Variants in RAB1B observed in about 807,000 individuals in gnomAD.
RAB1B encodes RAB1B, member RAS oncogene family.
A neutral mutation model predicts 24.8 loss-of-function variants in RAB1B; 10 were observed. The ratio of observed to expected loss-of-function variants is 0.40; its 90% CI spans 0.25 to 0.68. RAB1B has a LOEUF of 0.68. RAB1B is among the 30% of genes least tolerant of loss of function. The pLI is 0.37. For synonymous variants in RAB1B, 99 were observed against 111.7 expected (o/e 0.89, Z 0.72); for missense variants, 154 against 271.2 (o/e 0.57, Z 3.04).
At chr11:66,271,947 A>C (rs1452310269) in intron 2 of RAB1B, 78 bp downstream of exon 2, 2 of 1,207,448 alleles carry the variant, frequency 1.7e-6, no homozygotes, top group Admixed American at 3.4e-5. Flanking sequence ...CACAGAGCAC[A>C]GTAGTTGCAA....
intron 4 of RAB1B, among the ~76,000 whole-genome samples, chr11:66,275,264 G>A (rs894704618): frequency 6.6e-6 from 1 of 152,092 alleles, no homozygotes; most frequent in Non-Finnish European, 1.5e-5. Flanking sequence ...AGAGTCTGAA[G>A]CCAAGTAATG....
In RAB1B at chr11:66,272,423, C is replaced by T; in HGVS notation, c.242C>T (p.Ala81Val). The change falls in exon 4 of 6, where the codon GCT (alanine) becomes GTT (valine). Residue 81 changes from alanine to valine, a missense_variant. Coordinates refer to ENST00000311481, the MANE Select transcript of RAB1B (RefSeq NM_030981.3). ...RTITSSYYRGAHGIIVVYDVT... is the reference protein window; with the variant it reads ...RTITSSYYRGVHGIIVVYDVT... ...ATCACTTCCAGCTACTACCGGGGGG[C>T]TCATGGCATCATCGTGGTGTATGAC... 1.2e-6 allele frequency: 2 copies of T among 1,604,640 alleles called. No individual in the cohort carries two copies. The highest frequency in any genetic ancestry group is 1.7e-6 in the Non-Finnish European group (2 of 1,174,574).
rs1165832619 is a variant in RAB1B, at chr11:66,275,748, C to T, written c.280-56C>T. 3.9e-6 allele frequency: 6 copies of T among 1,533,414 alleles called. No homozygotes were observed. In the South Asian group the frequency reaches 4.9e-5, roughly 13 times the overall value. The allele number at this position is 1,533,414 out of a possible 1,614,324, so 95.0% of individuals were successfully genotyped here. A position where few individuals can be genotyped will look rare whatever the true frequency, so the allele number is the denominator to read the frequency against. On this transcript the variant is annotated intron_variant, in intron 4 of 5. Transcript: ENST00000311481. ...CCCTCAGAGAAGGTCTTCTCCAGGCCTGGGGTAGGGGTGACAGTTGGGAGC... is the reference window on the plus strand; with the variant it reads ...CCCTCAGAGAAGGTCTTCTCCAGGCTTGGGGTAGGGGTGACAGTTGGGAGC...
Position 66,276,443 on chromosome 11 carries a change from C to G in RAB1B, c.*205C>G, listed in dbSNP as rs1361031037. On this transcript the variant is annotated 3_prime_UTR_variant, in exon 6 of 6. Transcript: ENST00000311481. ...GGTCCCTAAGGGAGGACACTCAGGG[C>G]CTGTGGCCAGGCAGGGCGGAGGCCT... 19 of 565,544 alleles carry G rather than the reference C, an allele frequency of 3.4e-5. No homozygotes were observed. The highest frequency in any genetic ancestry group is 5.4e-5 in the Non-Finnish European group (18 of 332,936). The allele number at this position is 565,544 out of a possible 1,614,324, so 35.0% of individuals were successfully genotyped here. A position where few individuals can be genotyped will look rare whatever the true frequency, so the allele number is the denominator to read the frequency against.
At chr11:66,271,773 C>T (rs376997330) in intron 1 of RAB1B, 24 bp from the exon 2 acceptor site, 16 of 1,597,898 alleles carry the variant, frequency 1.0e-5, no homozygotes, top group Admixed American at 1.0e-4. Flanking sequence ...CCTCCCTTCA[C>T]GCCTTCCCAT....
intron 1 of RAB1B, chr11:66,270,911 G>T (rs570311143): frequency 6.6e-6 from 1 of 152,238 alleles, no homozygotes; most frequent in African/African-American, 2.4e-5. Flanking sequence ...GGCAGGTCAC[G>T]TGTCTTGATT....
rs780498447 is a variant in RAB1B, at chr11:66,276,024, TCTCTC to T, written c.412-13_412-9del. On this transcript the variant is annotated splice_polypyrimidine_tract_variant and intron_variant, in intron 5 of 5. Transcript: ENST00000311481. The stretch of plus-strand genomic sequence containing the variant: ...CCCCTCCTCTTCTCTCCCCTCCTCT[TCTCTC>T]CTCTCCCTTGTCAGGAGTTTGCAGA... 10 of 1,605,034 alleles carry T rather than the reference TCTCTC, an allele frequency of 6.2e-6. No homozygotes were observed. Among genetic ancestry groups the T allele is most frequent in the Non-Finnish European group, 8.5e-6 (10 of 1,174,026 alleles).
chr11:66,272,308 AGGGACTCT>A (rs1168335691), intron 3 of RAB1B, 49 bp from the exon 4 acceptor site: 3 of 1,600,170 alleles, frequency 1.9e-6, no homozygotes, highest in East Asian at 4.5e-5. Flanking sequence ...TTGGGAGGGA[AGGGACTCT>A]GGGACTCTGG....
intron 4 of RAB1B, 136 bp from the exon 5 acceptor site, chr11:66,275,668 C>A: frequency 5.3e-6 from 5 of 941,408 alleles, no homozygotes; most frequent in Non-Finnish European, 7.7e-6. Flanking sequence ...AGGGCTTCCT[C>A]TGCATCTCTG....
rs1260612701 is a variant in RAB1B at position 66,271,559 on chromosome 11, A to G, written c.15-238A>G. 2.2e-5 allele frequency: 8 copies of G among 356,750 alleles called. No homozygotes were observed. The East Asian group carries it at 4.2e-4, about 19-fold the overall frequency. The allele number at this position is 356,750 out of a possible 1,614,324, so 22.1% of individuals were successfully genotyped here. The stretch of plus-strand genomic sequence containing the variant: ...GTGGTGGACACCTGAAGTCCCAGCT[A>G]CGCAGGAAGCTGAGGTGGGAAGATC... On this transcript the variant is annotated intron_variant, in intron 1 of 5. Transcript: ENST00000311481.
chr11:66,269,281 G>T lies in RAB1B; in HGVS notation c.14+588G>T, dbSNP rs538345367. ...TGGGTCGCGCTGTCCTGTCGCTCCC[G>T]CCGGTCCGTCCTTTCCCGCCCTCTC... On this transcript the variant is annotated intron_variant, in intron 1 of 5. Coordinates refer to ENST00000311481, the MANE Select transcript of RAB1B (RefSeq NM_030981.3). 3.9e-5 allele frequency among the ~76,000 whole-genome samples: 6 copies of T among 152,182 alleles called. No homozygotes were observed. The South Asian group carries it at 1.0e-3, about 26-fold the overall frequency.
rs1174062218 is a variant in RAB1B, at chr11:66,276,435, A to G, written c.*197A>G. On this transcript the variant is annotated 3_prime_UTR_variant, in exon 6 of 6. Coordinates refer to ENST00000311481, the MANE Select transcript of RAB1B (RefSeq NM_030981.3). ...TCTGTCAGGGTCCCTAAGGGAGGAC[A>G]CTCAGGGCCTGTGGCCAGGCAGGGC... 1.2e-5 allele frequency: 7 copies of G among 573,270 alleles called. No individual in the cohort carries two copies. Among genetic ancestry groups the G allele is most frequent in the African/African-American group, 9.7e-5 (5 of 51,504 alleles). The allele number at this position is 573,270 out of a possible 1,614,324, so 35.5% of individuals were successfully genotyped here.
At position 66,273,132 on chromosome 11, in the gene RAB1B, C is replaced by T. The variant is rs187843756; in HGVS notation, c.279+672C>T. Among the ~76,000 whole-genome samples, 231 of 152,318 alleles carry T rather than the reference C, an allele frequency of 1.5e-3. 1 individual carries two copies. Among genetic ancestry groups the T allele is most frequent in the Admixed American group, 5.8e-3 (89 of 15,290 alleles). On this transcript the variant is annotated intron_variant, in intron 4 of 5. Transcript: ENST00000311481. ...CTTGCCGAGGGTCCTTCAGCTAGTCCGGTGGCAGAGGCAGAAAGCCTGGAT... is the reference window on the plus strand; with the variant it reads ...CTTGCCGAGGGTCCTTCAGCTAGTCTGGTGGCAGAGGCAGAAAGCCTGGAT...
At chr11:66,274,262 C>T (rs993978351) in intron 4 of RAB1B, among the ~76,000 whole-genome samples, 1 of 152,170 alleles carries the variant, frequency 6.6e-6, no homozygotes, top group Admixed American at 6.5e-5. Flanking sequence ...TCTGTCCCCT[C>T]ATAATAATAG....
intron 1 of RAB1B, 133 bp downstream of exon 1, chr11:66,268,826 C>CCCCCG (rs1856992601): frequency 2.1e-6 from 2 of 937,410 alleles, no homozygotes; most frequent in Admixed American, 8.7e-5. Flanking sequence ...CCGCTGACCC[C>CCCCCG]CCCCCACATC....
rs541832559 is a variant in RAB1B at position 66,275,474 on chromosome 11, CTCTT to C, written c.280-328_280-325del. On this transcript the variant is annotated intron_variant, in intron 4 of 5. Transcript: ENST00000311481. ...TCTGTTCCTATCTCCCGTCCGCTCT[CTCTT>C]TGCTTCTCACATGTGGTTAGGGCCT... Among the ~76,000 whole-genome samples, 360 of 152,312 alleles carry C rather than the reference CTCTT, an allele frequency of 2.4e-3. 1 individual carries two copies. Among genetic ancestry groups the C allele is most frequent in the Non-Finnish European group, 3.7e-3 (252 of 68,034 alleles).
intron 4 of RAB1B, among the ~76,000 whole-genome samples, chr11:66,275,441 C>T (rs1342050991): frequency 6.6e-6 from 1 of 152,152 alleles, no homozygotes; most frequent in Non-Finnish European, 1.5e-5. Context: ...CTTGCGGACC[C>T]GTTACTCTCT....
At chr11:66,268,727 C>A in intron 1 of RAB1B, 34 bp downstream of exon 1, 1 of 1,555,114 alleles carries the variant, frequency 6.4e-7, no homozygotes, top group Non-Finnish European at 8.7e-7. Context: ...TCCAGCGCAG[C>A]CTCGATCCCG....
At chr11:66,271,622 GATCA>G in intron 1 of RAB1B, 171 bp from the exon 2 acceptor site, 1 of 555,484 alleles carries the variant, frequency 1.8e-6, no homozygotes, top group Admixed American at 3.1e-5. Flanking sequence ...AATGAGCCGT[GATCA>G]CTTCAGTGCA....
Sources: allele counts gnomAD v4.1 joint callset (sites outside exome capture counted in the v4.1 genomes callset), GRCh38; gene constraint gnomAD v4.1.1; transcripts MANE v1.5; gene names NCBI Gene and HGNC (gene_info 2026-07-23, HGNC 2026-07-21).